The following HIVEP3 variants were observed in gnomAD, a reference collection of about 807,000 sequenced individuals.
HIVEP3 encodes the protein transcription factor HIVEP3.
Under a neutral mutation model 152.8 loss-of-function variants are expected in HIVEP3, and 49 were observed. The ratio of observed to expected loss-of-function variants is 0.32; its 90% CI spans 0.26 to 0.41. The LOEUF is 0.41. HIVEP3 is among the 10% of genes least tolerant of loss of function. The pLI is 1.00. For synonymous variants in HIVEP3, 1,269 were observed against 1,289.0 expected, an observed-to-expected ratio of 0.98 and a Z score of 0.33; for missense variants, 2,790 against 3,103.3, an observed-to-expected ratio of 0.90 and a Z score of 2.40.
rs138352159 is a variant in HIVEP3 at position 41,512,940 on chromosome 1, G to A, written c.6281C>T (p.Pro2094Leu). The A allele has an allele frequency of 3.2e-5, 51 of 1,604,834 alleles. No homozygotes were observed. Among genetic ancestry groups the A allele is most frequent in the African/African-American group, 2.4e-4 (18 of 74,692 alleles). The change falls in exon 8 of 9, where the codon CCG (proline) becomes CTG (leucine). Residue 2094 changes from proline to leucine, a missense_variant. Transcript: ENST00000372583. ...APPGKWALAG[P>L]GSPSAGEHGP... ...ATGCTCCCCCGCTGAGGGGCTGCCC[G>A]GCCCAGCCAAGGCCCACTTCCCTGG...
intron 4 of HIVEP3, 119 bp from the exon 5 acceptor site, chr1:41,575,808 A>C (rs1815257): frequency 0.35 from 375,839 of 1,087,030 alleles, 70,494 homozygotes; most frequent in Non-Finnish European, 0.39. Flanking sequence ...TGCAATCTTC[A>C]CACTCCCCCA....
chr1:41,965,056 G>A (rs989614232), intron 1 of HIVEP3, among the ~76,000 whole-genome samples: 1 of 152,230 alleles, frequency 6.6e-6, no homozygotes, highest in African/African-American at 2.4e-5. Context: ...AGCTCCCAGG[G>A]GAAGGAACAG....
chr1:41,915,456 C>T (rs181134260), intron 1 of HIVEP3, among the ~76,000 whole-genome samples: 56 of 152,256 alleles, frequency 3.7e-4, no homozygotes, highest in Admixed American at 1.4e-3. Flanking sequence ...AGTACAGTAT[C>T]AGTTGCTTCC....
At chr1:41,559,869 T>G (rs1455665159) in intron 5 of HIVEP3, among the ~76,000 whole-genome samples, 2 of 152,258 alleles carry the variant, frequency 1.3e-5, no homozygotes, top group Non-Finnish European at 1.5e-5. Flanking sequence ...GAGTACTTCA[T>G]AGGTAGCATC....
intron 3 of HIVEP3, among the ~76,000 whole-genome samples, chr1:41,612,848 A>T (rs2149134215): frequency 6.6e-6 from 1 of 152,350 alleles, no homozygotes; most frequent in Non-Finnish European, 1.5e-5. Flanking sequence ...TGCATGGAAG[A>T]GATGGGCAGA....
chr1:41,957,046 T>G (rs1488092365), intron 1 of HIVEP3, among the ~76,000 whole-genome samples: 1 of 152,228 alleles, frequency 6.6e-6, no homozygotes, highest in Non-Finnish European at 1.5e-5. Flanking sequence ...AATTAATATA[T>G]GAAATGAATT....
chr1:41,630,398 A>C (rs1645176913), intron 2 of HIVEP3, among the ~76,000 whole-genome samples: 1 of 152,180 alleles, frequency 6.6e-6, no homozygotes, highest in Non-Finnish European at 1.5e-5. Flanking sequence ...CCAAACCTGC[A>C]CATGTACCCC....
chr1:41,990,590 A>G (rs1272362204), intron 1 of HIVEP3, among the ~76,000 whole-genome samples: 2 of 147,456 alleles, frequency 1.4e-5, no homozygotes, highest in African/African-American at 5.0e-5. Context: ...TAGACAGATC[A>G]ACGAGACAGA....
intron 1 of HIVEP3, among the ~76,000 whole-genome samples, chr1:41,785,746 C>T (rs981373716): frequency 2.0e-5 from 3 of 152,184 alleles, no homozygotes; most frequent in Admixed American, 6.5e-5. Context: ...CCTGTAATCC[C>T]AGCACTTTGG....
rs555951164 is a variant in HIVEP3, at chr1:41,660,366, C to T, written c.-720-31419G>A. On this transcript the variant is annotated intron_variant, in intron 2 of 8. Transcript: ENST00000372583. The stretch of plus-strand genomic sequence containing the variant: ...CATTTGACTCTTTATGTTTTTTAAA[C>T]ACATTCTGCAAAGTGTCCATACAAA... 4.6e-5 allele frequency among the ~76,000 whole-genome samples: 7 copies of T among 152,318 alleles called. No homozygotes were observed. In the East Asian group the frequency reaches 5.8e-4, roughly 13 times the overall value.
At position 41,583,717 on chromosome 1, in the gene HIVEP3, T is replaced by G; in HGVS notation, c.1081A>C (p.Lys361Gln). ...CTTAAGCGGAGGGCCAGCTTCTGCT[T>G]AATCGTGTGGGTGTCTTCAGGTTTA... ...SHKPEDTHTI[K>Q]QKLALRLSER... The change falls in exon 4 of 9, where the codon AAG becomes CAG. Residue 361 changes from lysine (K) to glutamine (Q), a missense_variant. Coordinates refer to ENST00000372583, the MANE Select transcript of HIVEP3 (RefSeq NM_024503.5). The surrounding 1 kb of genome is among the most constrained non-coding windows in gnomAD (Gnocchi z 6.9). 1.9e-6 allele frequency: 3 copies of G among 1,609,876 alleles called. No individual in the cohort carries two copies. The highest frequency in any genetic ancestry group is 2.5e-6 in the Non-Finnish European group (3 of 1,177,754).
intron 1 of HIVEP3, among the ~76,000 whole-genome samples, chr1:42,025,967 G>T (rs1258347202): frequency 6.6e-6 from 1 of 151,968 alleles, no homozygotes; most frequent in Non-Finnish European, 1.5e-5. Context: ...GCTACCCAGA[G>T]GATGAGGTGA....
chr1:41,804,850 C>T (rs990702001), intron 1 of HIVEP3, among the ~76,000 whole-genome samples: 4 of 152,178 alleles, frequency 2.6e-5, no homozygotes, highest in African/African-American at 9.7e-5. Flanking sequence ...TCCTCACTCC[C>T]TCACCCACTG....
At chr1:41,552,334 A>T (rs1176741131) in intron 5 of HIVEP3, among the ~76,000 whole-genome samples, 1 of 149,664 alleles carries the variant, frequency 6.7e-6, no homozygotes, top group Non-Finnish European at 1.5e-5. Context: ...GTCATCTAGC[A>T]TTAGGTATAT....
At chr1:41,552,381 C>T (rs1643903743) in intron 5 of HIVEP3, among the ~76,000 whole-genome samples, 1 of 131,776 alleles carries the variant, frequency 7.6e-6, no homozygotes, top group Admixed American at 8.4e-5. Flanking sequence ...CCCCACCCCA[C>T]AACAGTCCCC....
chr1:41,950,688 T>C (rs912995519), intron 1 of HIVEP3, among the ~76,000 whole-genome samples: 4 of 152,220 alleles, frequency 2.6e-5, no homozygotes, highest in African/African-American at 9.6e-5. Context: ...TCCATTAATA[T>C]AACATGTAAA....
At chr1:41,656,961 C>T (rs1263361950) in intron 2 of HIVEP3, among the ~76,000 whole-genome samples, 2 of 152,156 alleles carry the variant, frequency 1.3e-5, no homozygotes, top group Non-Finnish European at 2.9e-5. Context: ...GGGGAAGTAA[C>T]CAGAATGATC....
chr1:41,555,111 C>T (rs531565311), intron 5 of HIVEP3, among the ~76,000 whole-genome samples: 4 of 152,314 alleles, frequency 2.6e-5, no homozygotes, highest in South Asian at 4.1e-4. Flanking sequence ...GTGGAATCTA[C>T]AGAGGCAACA....
At chr1:41,803,060 G>C (rs779685813) in intron 1 of HIVEP3, among the ~76,000 whole-genome samples, 5 of 152,240 alleles carry the variant, frequency 3.3e-5, no homozygotes, top group Admixed American at 2.0e-4. Flanking sequence ...AAGGCAGAAG[G>C]ATGGGCCTAG....
Sources: allele counts gnomAD v4.1 joint callset (sites outside exome capture counted in the v4.1 genomes callset), GRCh38; gene constraint gnomAD v4.1.1; non-coding constraint Gnocchi (gnomAD v3.1); transcripts MANE v1.5; gene names NCBI Gene and HGNC (gene_info 2026-07-23, HGNC 2026-07-21).